The following SHANK2 variants were observed in gnomAD, a reference collection of about 807,000 sequenced individuals.
SHANK2 encodes the protein SH3 and multiple ankyrin repeat domains 2.
A neutral mutation model predicts 133.7 loss-of-function variants in SHANK2; 43 were observed. That is an observed-to-expected ratio of 0.32 (90% confidence interval 0.25 to 0.41). The LOEUF (loss-of-function observed/expected upper bound fraction) is 0.41. Ranked by LOEUF, SHANK2 falls within the 10% of genes least tolerant of loss-of-function variation. The pLI is 1.00. For synonymous variants in SHANK2, 1,017 were observed against 952.8 expected (o/e 1.07, Z -1.24); for missense variants, 1,994 against 2,235.8 (o/e 0.89, Z 2.18).
At chr11:70,952,693 G>A (rs1362233984) in intron 10 of SHANK2, 3 of 354,924 alleles carry the variant, frequency 8.5e-6, no homozygotes, top group Non-Finnish European at 1.8e-5. Flanking sequence ...AGGTGAGGCT[G>A]CTTCAGGGCA....
At chr11:70,547,292 G>A (rs556729231) in intron 17 of SHANK2, among the ~76,000 whole-genome samples, 10 of 152,192 alleles carry the variant, frequency 6.6e-5, no homozygotes, top group East Asian at 3.9e-4. Flanking sequence ...ACAGAGTCTC[G>A]CTCTGTTGCC....
intron 17 of SHANK2, among the ~76,000 whole-genome samples, chr11:70,574,009 C>G (rs746899866): frequency 6.6e-6 from 1 of 152,164 alleles, no homozygotes; most frequent in Admixed American, 6.5e-5. Flanking sequence ...CAGCCCGGGT[C>G]CTTCTCCAAA....
At chr11:71,183,754 G>A (rs797022859) in intron 2 of SHANK2, among the ~76,000 whole-genome samples, 10 of 152,240 alleles carry the variant, frequency 6.6e-5, no homozygotes, top group African/African-American at 2.4e-4. Context: ...GGGAGGGGAG[G>A]AGCTCCAGCT....
chr11:70,821,680 C>T (rs117857078), intron 11 of SHANK2, among the ~76,000 whole-genome samples: 2,993 of 152,294 alleles, frequency 0.02, 35 homozygotes, highest in Non-Finnish European at 0.028. Flanking sequence ...GCCTCAGCCA[C>T]CCAAAGTACT....
chr11:70,931,438 T>C (rs1439515189), intron 10 of SHANK2, among the ~76,000 whole-genome samples: 1 of 152,214 alleles, frequency 6.6e-6, no homozygotes, highest in Non-Finnish European at 1.5e-5. Flanking sequence ...GATGTCTGTC[T>C]ACCCCTCCGA....
chr11:70,588,428 C>G (rs1158805917), intron 17 of SHANK2, among the ~76,000 whole-genome samples: 1 of 152,192 alleles, frequency 6.6e-6, no homozygotes, highest in Non-Finnish European at 1.5e-5. Context: ...AAAGAAAAAG[C>G]TCTTGAAAGA....
At chr11:71,069,824 A>T (rs1045432853) in intron 9 of SHANK2, among the ~76,000 whole-genome samples, 78 of 152,290 alleles carry the variant, frequency 5.1e-4, no homozygotes, top group African/African-American at 1.9e-3. Context: ...GTCTTGATTC[A>T]AAGGCACCTC....
chr11:70,764,471 C>T (rs1409629453), intron 14 of SHANK2, among the ~76,000 whole-genome samples: 3 of 150,224 alleles, frequency 2.0e-5, no homozygotes, highest in African/African-American at 7.3e-5. Context: ...TCCATTCACA[C>T]ATCAATCGAT....
chr11:70,878,058 C>T lies in SHANK2; in HGVS notation c.1174+18443G>A, dbSNP rs549654938. ...TCAGCGGTTCTGAGAATGGCTCAGCCGCCATTGACTTGGCCTCAGGAGCAG... is the reference window on the plus strand; with the variant it reads ...TCAGCGGTTCTGAGAATGGCTCAGCTGCCATTGACTTGGCCTCAGGAGCAG... On this transcript the variant is annotated intron_variant, in intron 11 of 25. Coordinates refer to ENST00000601538, the MANE Select transcript of SHANK2 (RefSeq NM_012309.5). 2.6e-5 allele frequency among the ~76,000 whole-genome samples: 4 copies of T among 152,316 alleles called. No individual in the cohort carries two copies. In the East Asian group the frequency reaches 7.7e-4, roughly 29 times the overall value.
At chr11:70,582,149 A>G (rs1367820509) in intron 17 of SHANK2, among the ~76,000 whole-genome samples, 1 of 152,230 alleles carries the variant, frequency 6.6e-6, no homozygotes, top group Non-Finnish European at 1.5e-5. Flanking sequence ...CCAAGGTGCC[A>G]TCAGTCAGAG....
chr11:70,651,887 A>C (rs1284545494), intron 17 of SHANK2, among the ~76,000 whole-genome samples: 12 of 152,234 alleles, frequency 7.9e-5, no homozygotes, highest in Non-Finnish European at 1.3e-4. Flanking sequence ...GAGTGGAAGA[A>C]ATTTTGGGGA....
chr11:70,713,649 C>T (rs1945844100), intron 14 of SHANK2, among the ~76,000 whole-genome samples: 1 of 152,220 alleles, frequency 6.6e-6, no homozygotes, highest in South Asian at 2.1e-4. Flanking sequence ...GAGATGCCTC[C>T]AGGCGGCAGA....
At chr11:71,163,071 T>TAAA (rs1159852026) in intron 2 of SHANK2, among the ~76,000 whole-genome samples, 8 of 45,550 alleles carry the variant, frequency 1.8e-4, no homozygotes, top group African/African-American at 3.7e-4. Flanking sequence ...AGACTCTGTC[T>TAAA]AAAAAAAAAA....
At chr11:70,780,206 G>A (rs377584554) in intron 14 of SHANK2, among the ~76,000 whole-genome samples, 101 of 152,240 alleles carry the variant, frequency 6.6e-4, no homozygotes, top group African/African-American at 2.4e-3. Flanking sequence ...AATTCCTTTC[G>A]TAGGGACAGG....
At chr11:70,714,477 G>T (rs1050638322) in intron 14 of SHANK2, among the ~76,000 whole-genome samples, 18 of 152,236 alleles carry the variant, frequency 1.2e-4, no homozygotes, top group African/African-American at 3.1e-4. Context: ...TCACTTATCA[G>T]ATGTGGAAAT....
chr11:70,613,123 C>T (rs1202855128), intron 17 of SHANK2, among the ~76,000 whole-genome samples: 2 of 152,218 alleles, frequency 1.3e-5, no homozygotes, highest in African/African-American at 4.8e-5. Flanking sequence ...GTTTGCACAG[C>T]AGGTGTGTCT....
intron 2 of SHANK2, among the ~76,000 whole-genome samples, chr11:71,151,898 T>C (rs1258622250): frequency 3.9e-5 from 6 of 151,952 alleles, no homozygotes; most frequent in Non-Finnish European, 7.4e-5. Context: ...AGGCCAGGGC[T>C]CCCGATCGCA....
At chr11:70,670,596 C>T (rs1431401029) in intron 15 of SHANK2, among the ~76,000 whole-genome samples, 1 of 152,224 alleles carries the variant, frequency 6.6e-6, no homozygotes, top group Non-Finnish European at 1.5e-5. Context: ...CATGGGGGAG[C>T]TTCTCAGCCC....
rs937419404 is a variant in SHANK2 at position 70,804,716 on chromosome 11, G to A, written c.1663+2286C>T. On this transcript the variant is annotated intron_variant, in intron 13 of 25. Coordinates refer to ENST00000601538, the MANE Select transcript of SHANK2 (RefSeq NM_012309.5). The surrounding 1 kb of genome is among the most constrained non-coding windows in gnomAD (Gnocchi z 4.1). ...ATCAAACCCAGGGAGTTGGACAGGG[G>A]AAGGCCCCCCCAGAGCTTCTGGGAA... 1.3e-5 allele frequency among the ~76,000 whole-genome samples: 2 copies of A among 152,186 alleles called. No individual in the cohort carries two copies. Among genetic ancestry groups the A allele is most frequent in the Non-Finnish European group, 2.9e-5 (2 of 68,026 alleles).
Sources: allele counts gnomAD v4.1 joint callset (sites outside exome capture counted in the v4.1 genomes callset), GRCh38; gene constraint gnomAD v4.1.1; non-coding constraint Gnocchi (gnomAD v3.1); transcripts MANE v1.5; gene names NCBI Gene and HGNC (gene_info 2026-07-23, HGNC 2026-07-21).